The following TLE4 variants were observed in gnomAD, a reference collection of about 807,000 sequenced individuals.
TLE4 encodes transducin-like enhancer protein 4.
Under a neutral mutation model 92.8 loss-of-function variants are expected in TLE4, and 8 were observed. That is an observed-to-expected ratio of 0.09 (90% CI 0.05 to 0.16). The LOEUF (loss-of-function observed/expected upper bound fraction) is 0.16. Among genes scored for constraint, TLE4 ranks in the 10% least tolerant of loss-of-function variants. The probability of loss-of-function intolerance (pLI) is 1.00; values close to 1 mark genes in which losing one functional copy is unlikely to be tolerated. For synonymous variants in TLE4, 371 were observed against 374.1 expected (o/e 0.99, Z 0.10); for missense variants, 675 against 997.6 (o/e 0.68, Z 4.36).
At chr9:79,583,445 C>T (rs1412744981) in intron 4 of TLE4, among the ~76,000 whole-genome samples, 3 of 152,084 alleles carry the variant, frequency 2.0e-5, no homozygotes, top group South Asian at 2.1e-4. Flanking sequence ...CTGCGTTTCA[C>T]GGAATGAAAG....
chr9:79,725,175 C>T lies in TLE4; in HGVS notation c.*31C>T, dbSNP rs751584280. 36 of 1,510,140 alleles carry T rather than the reference C, an allele frequency of 2.4e-5. No individual in the cohort carries two copies. In the Admixed American group the frequency reaches 4.7e-4, roughly 20 times the overall value. 93.5% of individuals were successfully genotyped at this position (1,510,140 alleles called of 1,614,324 possible). The stretch of plus-strand genomic sequence containing the variant: ...AATCTTCATGCAGACTGGACTTCTC[C>T]TCCTGGTAGCACTTTGCTCTGTCAT... On this transcript the variant is annotated 3_prime_UTR_variant, in exon 20 of 20. Coordinates refer to ENST00000376552, the MANE Select transcript of TLE4 (RefSeq NM_007005.6).
chr9:79,664,577 G>T (rs1297408489), intron 8 of TLE4, among the ~76,000 whole-genome samples: 2 of 152,166 alleles, frequency 1.3e-5, no homozygotes, highest in Non-Finnish European at 2.9e-5. Flanking sequence ...TTTAAACTAA[G>T]CTGGTGACAT....
chr9:79,709,500 T>G, intron 13 of TLE4, 123 bp from the exon 14 acceptor site: 1 of 738,972 alleles, frequency 1.4e-6, no homozygotes, highest in Non-Finnish European at 2.2e-6. Flanking sequence ...CTTCTGTATA[T>G]ATCTCTAAAA....
At chr9:79,658,321 C>T (rs1049595134) in intron 8 of TLE4, among the ~76,000 whole-genome samples, 10 of 151,932 alleles carry the variant, frequency 6.6e-5, no homozygotes, top group Admixed American at 1.3e-4. Context: ...TTTTAATTTA[C>T]GTATAATTAT....
In TLE4 at chr9:79,725,295, C is replaced by T; in HGVS notation, c.*151C>T. 1 of 567,900 alleles carries T rather than the reference C, an allele frequency of 1.8e-6. No individual in the cohort carries two copies. The highest frequency in any genetic ancestry group is 3.1e-6 in the Non-Finnish European group (1 of 317,956). 35.2% of individuals were successfully genotyped at this position (567,900 alleles called of 1,614,324 possible). A position where few individuals can be genotyped will look rare whatever the true frequency, so the allele number is the denominator to read the frequency against. ...TAATCCCCTTTCTTAACCTCACTTC[C>T]CACTTGCTATTGAATTGTGAATAGT... On this transcript the variant is annotated 3_prime_UTR_variant, in exon 20 of 20. Transcript: ENST00000376552.
intron 6 of TLE4, among the ~76,000 whole-genome samples, chr9:79,649,267 TACATACAC>T (rs998150902): frequency 1.2e-5 from 1 of 85,652 alleles, no homozygotes; most frequent in African/African-American, 3.8e-5. Context: ...CGGACATACA[TACATACAC>T]ACACACACAC....
At chr9:79,722,311 C>T in intron 17 of TLE4, 140 bp from the exon 18 acceptor site, 2 of 1,019,352 alleles carry the variant, frequency 2.0e-6, no homozygotes, top group Non-Finnish European at 2.7e-6. Context: ...GCCCATTTGA[C>T]TTTGGTTCTC....
At chr9:79,698,741 G>C (rs1373777103) in intron 8 of TLE4, among the ~76,000 whole-genome samples, 1 of 151,828 alleles carries the variant, frequency 6.6e-6, no homozygotes, top group Non-Finnish European at 1.5e-5. Context: ...TAAATTTTAA[G>C]TTCATTTACA....
intron 5 of TLE4, among the ~76,000 whole-genome samples, chr9:79,621,372 C>T (rs577644369): frequency 6.6e-6 from 1 of 152,036 alleles, no homozygotes; most frequent in African/African-American, 2.4e-5. Context: ...GATGGTTAAC[C>T]TAGAAGAGAT....
At chr9:79,608,327 C>T (rs1456776223) in intron 4 of TLE4, among the ~76,000 whole-genome samples, 5 of 152,014 alleles carry the variant, frequency 3.3e-5, no homozygotes, top group Non-Finnish European at 7.4e-5. Context: ...AGAAGTTGTA[C>T]AGTTTCTTTA....
intron 4 of TLE4, among the ~76,000 whole-genome samples, chr9:79,587,318 A>G (rs953946984): frequency 1.3e-5 from 2 of 152,236 alleles, no homozygotes; most frequent in African/African-American, 4.8e-5. Context: ...AAAAAGGCCT[A>G]GATAGGCAAT....
At position 79,572,340 on chromosome 9, in the gene TLE4, T is replaced by A. The variant is rs937199334; in HGVS notation, c.-451T>A. 2.1e-4 allele frequency: 32 copies of A among 152,112 alleles called. No individual in the cohort carries two copies. The highest frequency in any genetic ancestry group is 7.5e-4 in the African/African-American group (31 of 41,530). 9.4% of individuals were successfully genotyped at this position (152,112 alleles called of 1,614,324 possible). A position where few individuals can be genotyped will look rare whatever the true frequency, so the allele number is the denominator to read the frequency against. Reference sequence around the variant, plus strand: ...TGCTTTTAGGGAAGAAGAAAGATCATTCATTCGGAGGAATAACAACCAATT... The same window carrying A: ...TGCTTTTAGGGAAGAAGAAAGATCAATCATTCGGAGGAATAACAACCAATT... On this transcript the variant is annotated 5_prime_UTR_variant, in exon 1 of 20. Coordinates refer to ENST00000376552, the MANE Select transcript of TLE4 (RefSeq NM_007005.6).
At position 79,653,962 on chromosome 9, in the gene TLE4, T is replaced by A. The variant is rs189299273; in HGVS notation, c.593-97T>A. On this transcript the variant is annotated intron_variant, in intron 7 of 19. Transcript: ENST00000376552. The stretch of plus-strand genomic sequence containing the variant: ...ATTTATTATTTAGCAGAGATCAAGT[T>A]TGATAAATCAGTATGATTTTATGTA... 1,965 of 1,360,468 alleles carry A rather than the reference T, an allele frequency of 1.4e-3. 4 individuals carry two copies. The highest frequency in any genetic ancestry group is 1.8e-3 in the Non-Finnish European group (1,717 of 952,214). The allele number at this position is 1,360,468 out of a possible 1,614,324, so 84.3% of individuals were successfully genotyped here. A position where few individuals can be genotyped will look rare whatever the true frequency, so the allele number is the denominator to read the frequency against.
At chr9:79,674,273 C>T (rs2062881630) in intron 8 of TLE4, among the ~76,000 whole-genome samples, 1 of 151,988 alleles carries the variant, frequency 6.6e-6, no homozygotes, top group African/African-American at 2.4e-5. Flanking sequence ...ATCAGAACAG[C>T]CCATTAAGGT....
At chr9:79,627,526 C>G in intron 6 of TLE4, 78 bp downstream of exon 6, 1 of 1,454,888 alleles carries the variant, frequency 6.9e-7, no homozygotes. Flanking sequence ...ACATTTTGTT[C>G]CGCCAAAGGG....
intron 2 of TLE4, chr9:79,574,134 C>G (rs2036908251): frequency 1.2e-5 from 2 of 168,258 alleles, no homozygotes; most frequent in Non-Finnish European, 2.5e-5. Flanking sequence ...TTACTCCGGA[C>G]TTGATTCCTT....
At chr9:79,597,800 A>G (rs897587066) in intron 4 of TLE4, among the ~76,000 whole-genome samples, 1 of 152,194 alleles carries the variant, frequency 6.6e-6, no homozygotes, top group Non-Finnish European at 1.5e-5. Flanking sequence ...TAACCACTGT[A>G]TGATTCTTTG....
At chr9:79,573,341 G>C (rs769290247) in intron 1 of TLE4, 1 of 1,091,934 alleles carries the variant, frequency 9.2e-7, no homozygotes, top group Non-Finnish European at 1.1e-6. Context: ...CATGGCGCGG[G>C]TCCCCCCGAC....
At chr9:79,689,397 A>G (rs1038846738) in intron 8 of TLE4, among the ~76,000 whole-genome samples, 1 of 152,048 alleles carries the variant, frequency 6.6e-6, no homozygotes, top group Non-Finnish European at 1.5e-5. Flanking sequence ...AATTATTGTA[A>G]TTGACCTTGG....
Sources: allele counts gnomAD v4.1 joint callset (sites outside exome capture counted in the v4.1 genomes callset), GRCh38; gene constraint gnomAD v4.1.1; transcripts MANE v1.5; gene names NCBI Gene and HGNC (gene_info 2026-07-23, HGNC 2026-07-21).